The following RUBCN variants were observed in gnomAD, a reference collection of about 807,000 sequenced individuals.
RUBCN encodes the protein rubicon autophagy regulator.
In RUBCN, 74 loss-of-function variants were observed where a neutral mutation model predicts 113.2. The observed-to-expected ratio is 0.65, with a 90% CI of 0.54 to 0.79. The LOEUF (loss-of-function observed/expected upper bound fraction) is 0.79, where lower values mean the gene tolerates loss of function less well. Among genes scored for constraint, RUBCN ranks in the 30% least tolerant of loss-of-function variants. The pLI is 0.00. For synonymous variants in RUBCN, 480 were observed against 490.0 expected (o/e 0.98, Z 0.27); for missense variants, 1,109 against 1,251.7 (o/e 0.89, Z 1.72).
At chr3:197,731,115 G>C (rs554093911) in intron 1 of RUBCN, among the ~76,000 whole-genome samples, 3 of 151,754 alleles carry the variant, frequency 2.0e-5, no homozygotes, top group African/African-American at 4.8e-5. Flanking sequence ...AAAGGTCTCC[G>C]GTTTTCCTAG....
At chr3:197,709,295 G>C (rs1338937951) in intron 2 of RUBCN, among the ~76,000 whole-genome samples, 1 of 152,006 alleles carries the variant, frequency 6.6e-6, no homozygotes. Flanking sequence ...GCATGTTGAG[G>C]GAAAAACCAC....
chr3:197,697,480 T>C (rs1361523517), intron 7 of RUBCN, among the ~76,000 whole-genome samples: 2 of 152,152 alleles, frequency 1.3e-5, no homozygotes, highest in Non-Finnish European at 2.9e-5. Flanking sequence ...TAAAGTAACA[T>C]CAGAAGATTT....
intron 2 of RUBCN, among the ~76,000 whole-genome samples, chr3:197,705,580 A>C (rs1375182081): frequency 6.6e-6 from 1 of 151,922 alleles, no homozygotes; most frequent in Middle Eastern, 3.4e-3. Context: ...AAAAAAAAAA[A>C]AAAAGAAAAG....
intron 1 of RUBCN, among the ~76,000 whole-genome samples, chr3:197,727,654 C>G (rs1286520280): frequency 6.6e-6 from 1 of 152,208 alleles, no homozygotes; most frequent in Non-Finnish European, 1.5e-5. Flanking sequence ...TGTTGGTCCT[C>G]TCACTGAAGT....
chr3:197,682,272 G>A (rs561001475), intron 14 of RUBCN, among the ~76,000 whole-genome samples, 198 bp downstream of exon 14: 3 of 152,238 alleles, frequency 2.0e-5, no homozygotes, highest in African/African-American at 7.2e-5. Flanking sequence ...AACAAAACCC[G>A]CCTCGTTTCC....
chr3:197,701,571 A>T (rs768659057), intron 6 of RUBCN, 137 bp downstream of exon 6: 10 of 737,600 alleles, frequency 1.4e-5, no homozygotes, highest in Non-Finnish European at 2.1e-5. Context: ...GTCACTATAT[A>T]ACTTGTAAAG....
At chr3:197,684,309 T>C in intron 11 of RUBCN, 92 bp from the exon 12 acceptor site, 4 of 945,874 alleles carry the variant, frequency 4.2e-6, no homozygotes, top group Non-Finnish European at 7.0e-6. Context: ...AGCTAAGCTC[T>C]CAGGGTAACA....
chr3:197,748,933 T>C (rs1336888678), intron 1 of RUBCN, among the ~76,000 whole-genome samples: 4 of 152,218 alleles, frequency 2.6e-5, no homozygotes, highest in African/African-American at 9.6e-5. Flanking sequence ...TTGCATTTTA[T>C]GAATTGGAGA....
At chr3:197,704,762 C>T (rs541381650) in intron 3 of RUBCN, 61 bp from the exon 4 acceptor site, 172 of 1,534,992 alleles carry the variant, frequency 1.1e-4, no homozygotes, top group Non-Finnish European at 1.4e-4. Context: ...AAGATTGAGG[C>T]CTAATGACCT....
At chr3:197,727,028 C>G (rs886267728) in intron 1 of RUBCN, among the ~76,000 whole-genome samples, 1 of 151,584 alleles carries the variant, frequency 6.6e-6, no homozygotes, top group African/African-American at 2.4e-5. Context: ...CAACCTCCGC[C>G]TCCCGGGTTC....
In RUBCN at chr3:197,693,755, G is replaced by C; in HGVS notation, c.1746C>G (p.Asp582Glu). 1.2e-6 allele frequency: 2 copies of C among 1,613,962 alleles called. No homozygotes were observed. Among genetic ancestry groups the C allele is most frequent in the South Asian group, 2.2e-5 (2 of 91,074 alleles). The change falls in exon 11 of 20, where the codon GAC becomes GAG. Residue 582 changes from aspartate to glutamate, a missense_variant. Coordinates refer to ENST00000296343, the MANE Select transcript of RUBCN (RefSeq NM_014687.4). The part of the protein sequence containing the change: ...FSSRDSAQLS[D>E]SGSADEVDEF... ...CATCAACCTCATCAGCAGAGCCAGAGTCAGAGAGCTGTGCCGAATCACGTG... is the reference window on the plus strand; with the variant it reads ...CATCAACCTCATCAGCAGAGCCAGACTCAGAGAGCTGTGCCGAATCACGTG...
chr3:197,701,081 C>A lies in RUBCN; in HGVS notation c.793G>T (p.Val265Phe). Reference sequence around the variant, plus strand: ...ATGGTTTGATCCTCTGCTGGTGAGACGTGCCCTCTGCTTTCTTGAGGTTTC... The same window carrying A: ...ATGGTTTGATCCTCTGCTGGTGAGAAGTGCCCTCTGCTTTCTTGAGGTTTC... ...PRKPQESRGH[V>F]SPAEDQTIQA... Residue 265 changes from valine (V) to phenylalanine (F), a missense_variant, in exon 7 of 20, where the codon GTC (valine) becomes TTC (phenylalanine). By Grantham distance (50) the Val-to-Phe change is conservative. Coordinates refer to ENST00000296343, the MANE Select transcript of RUBCN (RefSeq NM_014687.4). 6.9e-6 allele frequency: 11 copies of A among 1,602,966 alleles called. No homozygotes were observed. The highest frequency in any genetic ancestry group is 9.4e-6 in the Non-Finnish European group (11 of 1,172,566).
At chr3:197,739,541 A>C (rs570906299), upstream of RUBCN, among the ~76,000 whole-genome samples, 1 of 149,036 alleles carries the variant, frequency 6.7e-6, no homozygotes, top group South Asian at 2.1e-4. Flanking sequence ...AAAATACAAC[A>C]AAAAATTAGC....
chr3:197,710,149 A>G (rs555868715), intron 2 of RUBCN, among the ~76,000 whole-genome samples: 31 of 150,996 alleles, frequency 2.1e-4, no homozygotes, highest in African/African-American at 7.6e-4. Flanking sequence ...CAGCCTGGGC[A>G]ACAGAGTGAG....
chr3:197,739,557 G>T (rs148277539), upstream of RUBCN, among the ~76,000 whole-genome samples: 10 of 150,770 alleles, frequency 6.6e-5, no homozygotes, highest in Non-Finnish European at 1.3e-4. Context: ...TTAGCCGGGC[G>T]TGGTGGCGGG....
chr3:197,719,462 G>A (rs1197318632), intron 1 of RUBCN, among the ~76,000 whole-genome samples: 1 of 134,754 alleles, frequency 7.4e-6, no homozygotes, highest in Non-Finnish European at 1.6e-5. Context: ...TGGGCAACAA[G>A]TGTGAGATTG....
intron 11 of RUBCN, chr3:197,691,193 G>A: frequency 1.0e-6 from 1 of 969,354 alleles, no homozygotes; most frequent in South Asian, 1.3e-5. Flanking sequence ...TATTCCAGCA[G>A]GAAATAAACT....
chr3:197,681,265 T>C lies in RUBCN; in HGVS notation c.2294A>G (p.Lys765Arg). The change falls in exon 16 of 20, where the codon AAG (lysine) becomes AGG (arginine). Residue 765 changes from lysine to arginine, a missense_variant. Physicochemically the swap from Lys to Arg is conservative, Grantham distance 26. This residue lies in a region of RUBCN where 306 missense variants were observed against 348.9 expected (regional missense o/e 0.88). Coordinates refer to ENST00000296343, the MANE Select transcript of RUBCN (RefSeq NM_014687.4). The surrounding 1 kb of genome is among the most constrained non-coding windows in gnomAD (Gnocchi z 5.5). ...QMAIPSRVLR[K>R]WDFSKYYVSN... The stretch of plus-strand genomic sequence containing the variant: ...GACGTAGTACTTGCTGAAGTCCCAC[T>C]TGCGCAGAACCCGGCTGGGGATGGC... 1.2e-6 allele frequency: 2 copies of C among 1,614,144 alleles called. No individual in the cohort carries two copies. Among genetic ancestry groups the C allele is most frequent in the South Asian group, 2.2e-5 (2 of 91,088 alleles).
chr3:197,715,010 C>T (rs562876119), intron 2 of RUBCN, among the ~76,000 whole-genome samples: 2 of 152,150 alleles, frequency 1.3e-5, no homozygotes, highest in Non-Finnish European at 2.9e-5. Context: ...AGAAACTCGG[C>T]TAGGCGCAGT....
Sources: gnomAD v4.1 joint callset for allele counts (sites outside exome capture counted in the v4.1 genomes callset) on GRCh38, gnomAD v4.1.1 for gene constraint, gnomAD v4.1.1 regional missense constraint, Gnocchi (gnomAD v3.1) non-coding constraint, MANE v1.5 for transcripts, NCBI Gene and HGNC (gene_info 2026-07-23, HGNC 2026-07-21) for gene names.